The following GBGT1 variants were observed in gnomAD, a reference collection of about 807,000 sequenced individuals.
GBGT1 encodes the protein globoside alpha-1,3-N-acetylgalactosaminyltransferase 1.
GBGT1 carries 18 observed loss-of-function variants against 20.9 expected under a neutral mutation model. That is an observed-to-expected ratio of 0.86 (90% CI 0.60 to 1.28). The LOEUF is 1.28. Among genes scored for constraint, GBGT1 ranks in the 50% most tolerant of loss-of-function variants. The pLI is 0.00. For synonymous variants in GBGT1, 168 were observed against 180.8 expected (o/e 0.93, Z 0.57); for missense variants, 432 against 455.7 (o/e 0.95, Z 0.47).
intron 3 of GBGT1, chr9:133,160,011 C>G (rs1320548887): frequency 6.5e-6 from 1 of 154,464 alleles, no homozygotes; most frequent in Admixed American, 6.6e-5. Context: ...AAATTAAGGC[C>G]AGGGGTGGTG....
chr9:133,156,704 C>A (rs148874010), intron 3 of GBGT1, among the ~76,000 whole-genome samples: 42 of 151,680 alleles, frequency 2.8e-4, no homozygotes, highest in African/African-American at 9.4e-4. Flanking sequence ...GTGACTGGGA[C>A]CTCGGGTGAG....
At chr9:133,160,835 C>T (rs368847990) in intron 3 of GBGT1, among the ~76,000 whole-genome samples, 7 of 152,008 alleles carry the variant, frequency 4.6e-5, no homozygotes, top group Non-Finnish European at 8.8e-5. Context: ...CATGGTGAAA[C>T]GCCATCTCAA....
rs963921564 is a variant in GBGT1, at chr9:133,154,384, T to C, written c.360-123A>G. 3.6e-5 allele frequency: 20 copies of C among 548,826 alleles called. No individual in the cohort carries two copies. The highest frequency in any genetic ancestry group is 5.7e-5 in the Non-Finnish European group (18 of 314,600). The allele number at this position is 548,826 out of a possible 1,614,324, so 34.0% of individuals were successfully genotyped here. A position where few individuals can be genotyped will look rare whatever the true frequency, so the allele number is the denominator to read the frequency against. Reference sequence around the variant, plus strand: ...TCCCCATCTCAAGATGTCACTCTGCTCTGGCCCTCTGGGTCCTCATTTGTC... The same window carrying C: ...TCCCCATCTCAAGATGTCACTCTGCCCTGGCCCTCTGGGTCCTCATTTGTC... On this transcript the variant is annotated intron_variant, in intron 6 of 6. Transcript: ENST00000372040. This position sits in a 1 kb window ranked among gnomAD's most constrained non-coding sequence, Gnocchi z 4.2.
chr9:133,157,019 C>T (rs753877608), intron 3 of GBGT1, among the ~76,000 whole-genome samples: 16 of 152,228 alleles, frequency 1.1e-4, no homozygotes, highest in South Asian at 2.1e-4. Flanking sequence ...CCAGGTGGCT[C>T]ACACCTGTAG....
chr9:133,163,579 G>C (rs1255936227), intron 1 of GBGT1, 175 bp downstream of exon 1: 1 of 152,964 alleles, frequency 6.5e-6, no homozygotes, highest in Non-Finnish European at 1.5e-5. Flanking sequence ...CCCGCCTCCC[G>C]CGAACGCAGA....
chr9:133,160,370 C>T (rs1039422421), intron 3 of GBGT1: 3 of 152,004 alleles, frequency 2.0e-5, no homozygotes, highest in Non-Finnish European at 4.4e-5. Flanking sequence ...AAGGTAGGTT[C>T]ATTTTTGTTT....
chr9:133,155,850 G>A, intron 5 of GBGT1, 51 bp downstream of exon 5: 1 of 1,590,538 alleles, frequency 6.3e-7, no homozygotes, highest in Non-Finnish European at 8.6e-7. Flanking sequence ...ATAAATCAGA[G>A]CTCTTTTGTC....
intron 3 of GBGT1, chr9:133,160,058 T>G: frequency 5.5e-6 from 1 of 182,048 alleles, no homozygotes; most frequent in South Asian, 7.1e-5. Context: ...GGGAGGCCGA[T>G]GAGGGGGCGA....
chr9:133,160,153 C>A, intron 3 of GBGT1: 1 of 355,012 alleles, frequency 2.8e-6, no homozygotes, highest in Non-Finnish European at 5.7e-6. Flanking sequence ...AGCGTGTGTG[C>A]CTGTAATCCC....
Position 133,153,826 on chromosome 9 carries a change from G to A in GBGT1, c.795C>T (p.Phe265=), listed in dbSNP as rs1399259047. 2 of 1,588,886 alleles carry A rather than the reference G, an allele frequency of 1.3e-6. No individual in the cohort carries two copies. The highest frequency in any genetic ancestry group is 1.1e-5 in the South Asian group (1 of 87,848). The change falls in exon 7 of 7, where the codon TTC becomes TTT. Residue 265 remains phenylalanine, a synonymous_variant. Coordinates refer to ENST00000372040, the MANE Select transcript of GBGT1 (RefSeq NM_021996.6). ...EGDFYYGGAV[F]GGQVARVYEF... ...CATATACCCTGGCCACCTGCCCCCC[G>A]AAGACTGCCCCACCATAATAGAAGT...
Position 133,153,245 on chromosome 9 carries a change from C to T in GBGT1, c.*332G>A, listed in dbSNP as rs892709894. 1.2e-5 allele frequency: 3 copies of T among 250,630 alleles called. No homozygotes were observed. The highest frequency in any genetic ancestry group is 2.3e-5 in the Non-Finnish European group (3 of 131,706). 15.5% of individuals were successfully genotyped at this position (250,630 alleles called of 1,614,324 possible). On this transcript the variant is annotated 3_prime_UTR_variant, in exon 7 of 7. Coordinates refer to ENST00000372040, the MANE Select transcript of GBGT1 (RefSeq NM_021996.6). ...ATATGCAATAAACGGGGGACTGGCG[C>T]GGCAGGGTTCAGGCACTCTGAGTCG... is the stretch of plus-strand genomic sequence containing the variant.
At chr9:133,156,387 C>T (rs901212689) in intron 3 of GBGT1, among the ~76,000 whole-genome samples, 9 of 152,162 alleles carry the variant, frequency 5.9e-5, no homozygotes, top group Admixed American at 2.0e-4. Context: ...AAGGGCCAGG[C>T]GCGGTGGCTC....
intron 3 of GBGT1, chr9:133,160,307 T>TAATAATAATAAA (rs1554748607): frequency 7.1e-6 from 1 of 140,686 alleles, no homozygotes; most frequent in South Asian, 2.2e-4. Flanking sequence ...ATAATAATAA[T>TAATAATAATAAA]AATAAATAAA....
intron 1 of GBGT1, chr9:133,163,520 C>T (rs1341298965): frequency 6.6e-6 from 1 of 152,602 alleles, no homozygotes; most frequent in Non-Finnish European, 1.5e-5. Flanking sequence ...CCTCTCTCTT[C>T]CTCTGGGGCC....
At chr9:133,155,078 C>G in intron 6 of GBGT1, 100 bp downstream of exon 6, 1 of 1,118,032 alleles carries the variant, frequency 8.9e-7, no homozygotes, top group Non-Finnish European at 1.3e-6. Context: ...TCCCGGGTGC[C>G]CAGCAGGGTC....
Position 133,153,362 on chromosome 9 carries a change from C to G in GBGT1, c.*215G>C. The G allele has an allele frequency of 2.5e-6, 1 of 395,174 alleles. No individual in the cohort carries two copies. The highest frequency in any genetic ancestry group is 4.5e-6 in the Non-Finnish European group (1 of 223,700). 24.5% of individuals were successfully genotyped at this position (395,174 alleles called of 1,614,324 possible). On this transcript the variant is annotated 3_prime_UTR_variant, in exon 7 of 7. Transcript: ENST00000372040. Reference sequence around the variant, plus strand: ...GCCTTTGTAACTGCGCCTCCCCTCCCCCTGTCTCACTGTTCCCATGCCGCG... The same window carrying G: ...GCCTTTGTAACTGCGCCTCCCCTCCGCCTGTCTCACTGTTCCCATGCCGCG...
chr9:133,153,237 G>T lies in GBGT1; in HGVS notation c.*340C>A, dbSNP rs2119294005. The T allele has an allele frequency of 8.5e-6, 2 of 235,724 alleles. No individual in the cohort carries two copies. The highest frequency in any genetic ancestry group is 8.4e-5 in the East Asian group (1 of 11,906). The allele number at this position is 235,724 out of a possible 1,614,324, so 14.6% of individuals were successfully genotyped here. A position where few individuals can be genotyped will look rare whatever the true frequency, so the allele number is the denominator to read the frequency against. On this transcript the variant is annotated 3_prime_UTR_variant, in exon 7 of 7. Transcript: ENST00000372040. ...TAAGGGCAATATGCAATAAACGGGG[G>T]ACTGGCGCGGCAGGGTTCAGGCACT...
intron 3 of GBGT1, among the ~76,000 whole-genome samples, chr9:133,159,094 G>A (rs1165157797): frequency 2.0e-5 from 3 of 152,032 alleles, no homozygotes; most frequent in Non-Finnish European, 2.9e-5. Flanking sequence ...CCAAGTAGCT[G>A]GGACTACAGG....
rs372039062 is a variant in GBGT1 at position 133,154,286 on chromosome 9, A to G, written c.360-25T>C. 6.4e-5 allele frequency: 92 copies of G among 1,429,914 alleles called. No homozygotes were observed. Among genetic ancestry groups the G allele is most frequent in the Non-Finnish European group, 8.5e-5 (90 of 1,060,560 alleles). 88.6% of individuals were successfully genotyped at this position (1,429,914 alleles called of 1,614,324 possible). A position where few individuals can be genotyped will look rare whatever the true frequency, so the allele number is the denominator to read the frequency against. ...CCTAGTGATGATCACCCGGTCACCC[A>G]CTGCTACACCAGCAGCCTGCCAGGG... On this transcript the variant is annotated intron_variant, in intron 6 of 6. Coordinates refer to ENST00000372040, the MANE Select transcript of GBGT1 (RefSeq NM_021996.6). The surrounding 1 kb of genome is among the most constrained non-coding windows in gnomAD (Gnocchi z 4.2).
Sources: gnomAD v4.1 joint callset for allele counts (sites outside exome capture counted in the v4.1 genomes callset) on GRCh38, gnomAD v4.1.1 for gene constraint, Gnocchi (gnomAD v3.1) non-coding constraint, MANE v1.5 for transcripts, NCBI Gene and HGNC (gene_info 2026-07-23, HGNC 2026-07-21) for gene names.